Variants in PIGU observed in about 807,000 individuals in gnomAD.
PIGU encodes GPI-anchor transamidase component PIGU.
Under a neutral mutation model 49.9 loss-of-function variants are expected in PIGU, and 24 were observed. The ratio of observed to expected loss-of-function variants is 0.48; its 90% CI spans 0.35 to 0.68. The LOEUF is 0.68. Among genes scored for constraint, PIGU ranks in the 30% least tolerant of loss-of-function variants. PIGU has a pLI of 0.01. For missense variants in PIGU, 490 were observed against 532.6 expected, an observed-to-expected ratio of 0.92 and a Z score of 0.79; for synonymous variants, 220 against 205.7, an observed-to-expected ratio of 1.07 and a Z score of -0.59.
Position 34,645,332 on chromosome 20 carries a change from A to G in PIGU, c.198T>C (p.Thr66=). The change falls in exon 3 of 12, where the codon ACT becomes ACC. Residue 66 remains threonine (T), a splice_region_variant and synonymous_variant. Coordinates refer to ENST00000217446, the MANE Select transcript of PIGU (RefSeq NM_080476.5). ...AATGAAAGAGGTATATTATTAATGG[A>G]GTCTGCAGAAAAAAAACAGACATGT... ...SPYSGAVFHE[T]PLIIYLFHFL... 1 of 1,564,928 alleles carries G rather than the reference A, an allele frequency of 6.4e-7. No individual in the cohort carries two copies. The highest frequency in any genetic ancestry group is 8.6e-7 in the Non-Finnish European group (1 of 1,163,532).
chr20:34,630,390 A>C, intron 6 of PIGU, among the ~76,000 whole-genome samples: 1 of 152,144 alleles, frequency 6.6e-6, no homozygotes, highest in East Asian at 1.9e-4. Flanking sequence ...TCCAGCAGCT[A>C]GTCTTATGCA....
At chr20:34,669,935 G>A (rs911915646) in intron 1 of PIGU, among the ~76,000 whole-genome samples, 1 of 152,016 alleles carries the variant, frequency 6.6e-6, no homozygotes, top group African/African-American at 2.4e-5. Flanking sequence ...AAGCCTAACG[G>A]CAAATGAACT....
chr20:34,662,595 T>A (rs1436513970), intron 1 of PIGU, among the ~76,000 whole-genome samples: 2 of 152,122 alleles, frequency 1.3e-5, no homozygotes, highest in African/African-American at 4.8e-5. Context: ...GGTTTTACTA[T>A]GTTGGCCAGG....
At chr20:34,577,026 C>A (rs115065385) in intron 10 of PIGU, among the ~76,000 whole-genome samples, 2,103 of 152,230 alleles carry the variant, frequency 0.014, 54 homozygotes, top group African/African-American at 0.048. Context: ...GGGCTACTAC[C>A]CTGCCTACCA....
rs150205331 is a variant in PIGU, at chr20:34,664,820, C to T, written c.131-7576G>A. 4.3e-3 allele frequency among the ~76,000 whole-genome samples: 649 copies of T among 152,104 alleles called. 4 individuals are homozygous for T. Among genetic ancestry groups the T allele is most frequent in the African/African-American group, 0.015 (615 of 41,518 alleles). ...GCCTGGAAACATGGTGAAACCCTGTCTCTACCAAAAATACAAAAAATTAGC... is the reference window on the plus strand; with the variant it reads ...GCCTGGAAACATGGTGAAACCCTGTTTCTACCAAAAATACAAAAAATTAGC... On this transcript the variant is annotated intron_variant, in intron 1 of 11. Transcript: ENST00000217446.
chr20:34,628,767 C>T (rs1452060055), intron 6 of PIGU, among the ~76,000 whole-genome samples: 2 of 152,150 alleles, frequency 1.3e-5, no homozygotes, highest in Admixed American at 1.3e-4. Flanking sequence ...ACAAGAATCA[C>T]TTGAACCCAG....
chr20:34,626,398 G>T (rs546135164), intron 6 of PIGU, among the ~76,000 whole-genome samples: 3 of 151,782 alleles, frequency 2.0e-5, no homozygotes, highest in Non-Finnish European at 4.4e-5. Flanking sequence ...CACCTCCCGG[G>T]TTCAAGCGAT....
intron 6 of PIGU, among the ~76,000 whole-genome samples, chr20:34,631,743 A>T (rs1568649249): frequency 3.6e-4 from 1 of 2,746 alleles, no homozygotes; most frequent in African/African-American, 7.3e-4. Context: ...ATATATATAT[A>T]TATATATATA....
intron 3 of PIGU, among the ~76,000 whole-genome samples, chr20:34,644,720 C>A (rs1230477493): frequency 6.6e-6 from 1 of 152,114 alleles, no homozygotes; most frequent in African/African-American, 2.4e-5. Flanking sequence ...AGCTTCTCGC[C>A]CCTGAAAGCC....
intron 7 of PIGU, among the ~76,000 whole-genome samples, chr20:34,610,876 G>C (rs1003326932): frequency 6.6e-6 from 1 of 152,130 alleles, no homozygotes; most frequent in African/African-American, 2.4e-5. Flanking sequence ...CAATGGAACA[G>C]AACAGAGGCC....
intron 7 of PIGU, among the ~76,000 whole-genome samples, chr20:34,605,763 C>A (rs1020844106): frequency 1.3e-5 from 2 of 152,104 alleles, no homozygotes; most frequent in Non-Finnish European, 2.9e-5. Context: ...AAGAGTAATA[C>A]AATAATTAAC....
intron 6 of PIGU, among the ~76,000 whole-genome samples, 161 bp from the exon 7 acceptor site, chr20:34,616,300 TTCTTGGCTTGATTTCCAATGAA>T (rs1985004456): frequency 6.6e-6 from 1 of 152,176 alleles, no homozygotes; most frequent in Admixed American, 6.6e-5. Context: ...CAGTAAGAGC[TTCTTGGCTTGATTTCCAATGAA>T]AGGAAACCAA....
intron 10 of PIGU, 133 bp from the exon 11 acceptor site, chr20:34,575,379 A>G: frequency 1.1e-5 from 12 of 1,065,862 alleles, no homozygotes; most frequent in Non-Finnish European, 1.6e-5. Flanking sequence ...CCCCAGAGGT[A>G]CTGGGGTGCC....
At chr20:34,566,176 A>C (rs985112519) in intron 11 of PIGU, among the ~76,000 whole-genome samples, 1 of 152,118 alleles carries the variant, frequency 6.6e-6, no homozygotes, top group Non-Finnish European at 1.5e-5. Flanking sequence ...GCTCCCACCT[A>C]TCCCTCAGAG....
chr20:34,587,512 ACT>A (rs1436471399), intron 8 of PIGU, among the ~76,000 whole-genome samples: 1 of 152,070 alleles, frequency 6.6e-6, no homozygotes, highest in Admixed American at 6.6e-5. Flanking sequence ...ATTGAAATTT[ACT>A]CTCTTAGCAA....
chr20:34,585,430 C>T lies in PIGU; in HGVS notation c.926+7G>A, dbSNP rs1983659563. On this transcript the variant is annotated splice_region_variant and intron_variant, in intron 9 of 11. Coordinates refer to ENST00000217446, the MANE Select transcript of PIGU (RefSeq NM_080476.5). ...TACACACAGCAGCAGCAGGTCCAGC[C>T]ACTTACTTTAGCTTTATGGCTAAGG... 2.5e-6 allele frequency: 4 copies of T among 1,613,836 alleles called. No homozygotes were observed. The highest frequency in any genetic ancestry group is 1.3e-5 in the African/African-American group (1 of 74,916).
intron 4 of PIGU, among the ~76,000 whole-genome samples, chr20:34,640,033 A>G (rs2146765895): frequency 6.6e-6 from 1 of 152,296 alleles, no homozygotes; most frequent in East Asian, 1.9e-4. Context: ...GAGATCCACA[A>G]AGAAGGCTGT....
intron 7 of PIGU, among the ~76,000 whole-genome samples, chr20:34,605,978 C>G (rs1272960908): frequency 6.6e-6 from 1 of 152,014 alleles, no homozygotes; most frequent in African/African-American, 2.4e-5. Context: ...AATTCCCAGC[C>G]GGCGCAGTGG....
chr20:34,673,253 CAAAAAAA>C (rs71282179), intron 1 of PIGU, among the ~76,000 whole-genome samples: 1 of 88,834 alleles, frequency 1.1e-5, no homozygotes, highest in South Asian at 4.4e-4. Context: ...GACTCCGTCT[CAAAAAAA>C]AAAAAAAAAA....
Sources: allele counts gnomAD v4.1 joint callset (sites outside exome capture counted in the v4.1 genomes callset), GRCh38; gene constraint gnomAD v4.1.1; transcripts MANE v1.5; gene names NCBI Gene and HGNC (gene_info 2026-07-23, HGNC 2026-07-21).